The following FAM53B variants were observed in gnomAD, a reference collection of about 807,000 sequenced individuals.
FAM53B encodes family with sequence similarity 53 member B.
A neutral mutation model predicts 32.7 loss-of-function variants in FAM53B; 12 were observed. That is an observed-to-expected ratio of 0.37 (90% CI 0.24 to 0.59). FAM53B has a LOEUF of 0.59. FAM53B is among the 20% of genes least tolerant of loss of function. The probability of loss-of-function intolerance (pLI) is 0.72; values close to 1 mark genes in which losing one functional copy is unlikely to be tolerated. For synonymous variants in FAM53B, 234 were observed against 228.7 expected (o/e 1.02, Z -0.21); for missense variants, 477 against 577.7 (o/e 0.83, Z 1.79).
At chr10:124,743,295 C>G (rs1191438008) in intron 1 of FAM53B, among the ~76,000 whole-genome samples, 1 of 152,192 alleles carries the variant, frequency 6.6e-6, no homozygotes, top group Non-Finnish European at 1.5e-5. Context: ...TTGCAAAATC[C>G]AAGACTAGCA....
chr10:124,642,032 C>CGT (rs1554903408), intron 4 of FAM53B, among the ~76,000 whole-genome samples: 1 of 152,228 alleles, frequency 6.6e-6, no homozygotes, highest in South Asian at 2.1e-4. Context: ...GAACAAATGG[C>CGT]GTGCGTGCAT....
Position 124,704,882 on chromosome 10 carries a change from G to A in FAM53B, c.78+1754C>T, listed in dbSNP as rs546631756. ...CCACAAGAATCCTTGCGAGAGAACA[G>A]CAGGTGGAACCAGGGTGGTGGCAGC... On this transcript the variant is annotated intron_variant, in intron 2 of 4. Transcript: ENST00000337318. Among the ~76,000 whole-genome samples the A allele has an allele frequency of 2.6e-5, 4 of 152,346 alleles. No homozygotes were observed. In the East Asian group the frequency reaches 7.7e-4, roughly 29 times the overall value.
chr10:124,677,908 G>C (rs1031606595), intron 4 of FAM53B, among the ~76,000 whole-genome samples: 1 of 152,168 alleles, frequency 6.6e-6, no homozygotes, highest in East Asian at 1.9e-4. Flanking sequence ...CCTCTGACAA[G>C]GGGGGGTGAA....
chr10:124,674,976 A>C (rs1564874415), intron 4 of FAM53B, among the ~76,000 whole-genome samples: 1 of 152,192 alleles, frequency 6.6e-6, no homozygotes, highest in Non-Finnish European at 1.5e-5. Flanking sequence ...ATAGCTTCTC[A>C]AACATTCTCT....
At chr10:124,736,801 C>T (rs1331709574) in intron 1 of FAM53B, among the ~76,000 whole-genome samples, 1 of 152,252 alleles carries the variant, frequency 6.6e-6, no homozygotes. Flanking sequence ...CTGTACAAAC[C>T]CAGCTATCCA....
At chr10:124,630,014 A>G (rs545255374) in intron 4 of FAM53B, among the ~76,000 whole-genome samples, 1 of 152,276 alleles carries the variant, frequency 6.6e-6, no homozygotes, top group East Asian at 1.9e-4. Context: ...CAGGCTCTGC[A>G]GGGCCCTTCC....
At position 124,633,173 on chromosome 10, in the gene FAM53B, G is replaced by C. The variant is rs1463910296; in HGVS notation, c.907-9569C>G. Reference sequence around the variant, plus strand: ...TGCTAACAACAATCTGCTTTCAAGAGCAAGAAGACACGCCAGCAACACAAA... The same window carrying C: ...TGCTAACAACAATCTGCTTTCAAGACCAAGAAGACACGCCAGCAACACAAA... On this transcript the variant is annotated intron_variant, in intron 4 of 4. Coordinates refer to ENST00000337318, the MANE Select transcript of FAM53B (RefSeq NM_014661.4). 5.3e-5 allele frequency among the ~76,000 whole-genome samples: 8 copies of C among 149,802 alleles called. No individual in the cohort carries two copies. The Admixed American group carries it at 5.3e-4, about 10-fold the overall frequency.
intron 1 of FAM53B, among the ~76,000 whole-genome samples, chr10:124,736,175 A>G (rs1350835877): frequency 6.6e-6 from 1 of 152,222 alleles, no homozygotes; most frequent in Non-Finnish European, 1.5e-5. Context: ...CTTCCTAAAA[A>G]CGCTGGGTGG....
chr10:124,643,162 A>G (rs1949487949), intron 4 of FAM53B, among the ~76,000 whole-genome samples: 1 of 152,248 alleles, frequency 6.6e-6, no homozygotes, highest in African/African-American at 2.4e-5. Context: ...CTCTGGAGAG[A>G]AACGTCAATT....
intron 3 of FAM53B, among the ~76,000 whole-genome samples, chr10:124,689,931 C>T (rs1949823507): frequency 1.3e-5 from 2 of 152,236 alleles, no homozygotes. Flanking sequence ...CCTCAGCTCC[C>T]ACAGGCGTTC....
At chr10:124,684,858 C>T (rs757541101) in intron 3 of FAM53B, among the ~76,000 whole-genome samples, 1 of 152,106 alleles carries the variant, frequency 6.6e-6, no homozygotes, top group Non-Finnish European at 1.5e-5. Context: ...CTTGTTGACA[C>T]AGTCACAACT....
intron 4 of FAM53B, among the ~76,000 whole-genome samples, chr10:124,658,189 G>A (rs7079739): frequency 0.05 from 7,667 of 152,256 alleles, 637 homozygotes; most frequent in African/African-American, 0.17. Flanking sequence ...GCTTTGCTAC[G>A]CAAGAAACTA....
intron 4 of FAM53B, among the ~76,000 whole-genome samples, chr10:124,637,859 A>G (rs1949443532): frequency 1.3e-5 from 2 of 152,174 alleles, no homozygotes; most frequent in Admixed American, 6.5e-5. Context: ...GAAATGAAAC[A>G]GCCACCCCAG....
At chr10:124,623,739 A>G in intron 4 of FAM53B, 135 bp from the exon 5 acceptor site, 1 of 1,013,510 alleles carries the variant, frequency 9.9e-7, no homozygotes, top group Non-Finnish European at 1.4e-6. Context: ...CTATCCAGGC[A>G]AGGACGGGCC....
chr10:124,696,716 C>T (rs377067390), intron 2 of FAM53B, among the ~76,000 whole-genome samples: 8 of 152,052 alleles, frequency 5.3e-5, no homozygotes, highest in Non-Finnish European at 1.0e-4. Context: ...GGGGAGAGCT[C>T]GGAAGGGCTG....
chr10:124,714,148 G>A (rs1353271412), intron 1 of FAM53B: 1 of 152,066 alleles, frequency 6.6e-6, no homozygotes, highest in African/African-American at 2.4e-5. Context: ...TATCCGCCAA[G>A]ACAAAGGGAT....
chr10:124,630,884 C>G (rs965763979), intron 4 of FAM53B, among the ~76,000 whole-genome samples: 23 of 152,244 alleles, frequency 1.5e-4, no homozygotes, highest in Admixed American at 1.2e-3. Flanking sequence ...GAAGCCAGTA[C>G]AGCAGGGGAC....
At chr10:124,716,175 C>A (rs985901109) in intron 1 of FAM53B, among the ~76,000 whole-genome samples, 1 of 152,188 alleles carries the variant, frequency 6.6e-6, no homozygotes, top group Non-Finnish European at 1.5e-5. Flanking sequence ...GAGGTGCTTT[C>A]TTCAGTAACT....
chr10:124,661,857 T>A (rs1399834814), intron 4 of FAM53B, among the ~76,000 whole-genome samples: 1 of 152,252 alleles, frequency 6.6e-6, no homozygotes, highest in Non-Finnish European at 1.5e-5. Flanking sequence ...CTGTCTTACA[T>A]GGCTCTGACG....
Sources: allele counts gnomAD v4.1 joint callset (sites outside exome capture counted in the v4.1 genomes callset), GRCh38; gene constraint gnomAD v4.1.1; transcripts MANE v1.5; gene names NCBI Gene and HGNC (gene_info 2026-07-23, HGNC 2026-07-21).